Variants in NEXMIF observed in about 807,000 individuals in gnomAD.
The protein encoded by NEXMIF is neurite extension and migration factor.
A neutral mutation model predicts 62.1 loss-of-function variants in NEXMIF; 8 were observed. The observed-to-expected ratio is 0.13, with a 90% confidence interval of 0.08 to 0.23. NEXMIF has a LOEUF of 0.23. Among genes scored for constraint, NEXMIF ranks in the 10% least tolerant of loss-of-function variants. NEXMIF has a pLI of 1.00. For missense variants in NEXMIF, 976 were observed against 1,113.3 expected, an observed-to-expected ratio of 0.88 and a Z score of 1.75; for synonymous variants, 404 against 416.6, an observed-to-expected ratio of 0.97 and a Z score of 0.37.
chrX:74,851,780 G>T (rs749700852), intron 1 of NEXMIF, among the ~76,000 whole-genome samples: 2 of 111,391 alleles, frequency 1.8e-5, no homozygotes, highest in East Asian at 5.7e-4. Context: ...ATCACAAAAA[G>T]ACACAAAAGT....
At chrX:74,850,236 C>T (rs902417324) in intron 1 of NEXMIF, among the ~76,000 whole-genome samples, 1 of 112,308 alleles carries the variant, frequency 8.9e-6, no homozygotes, top group African/African-American at 3.2e-5. Flanking sequence ...GACTTGCAGA[C>T]CTGAGACTGG....
intron 1 of NEXMIF, among the ~76,000 whole-genome samples, chrX:74,772,865 C>T (rs1010381553): frequency 1.8e-5 from 2 of 111,350 alleles, no homozygotes; most frequent in African/African-American, 6.5e-5. Flanking sequence ...TTAAAAAGGC[C>T]CCTATTTCTT....
chrX:74,789,166 T>G (rs1267709735), intron 1 of NEXMIF, among the ~76,000 whole-genome samples: 1 of 84,066 alleles, frequency 1.2e-5, no homozygotes, highest in Non-Finnish European at 2.2e-5. Flanking sequence ...GATATTCCCC[T>G]TCCTGTGTCC....
At chrX:74,798,288 C>T (rs2080318655) in intron 1 of NEXMIF, among the ~76,000 whole-genome samples, 1 of 111,907 alleles carries the variant, frequency 8.9e-6, no homozygotes, top group Admixed American at 9.5e-5. Context: ...TAAAAGAGTG[C>T]CTAACTCAGA....
intron 1 of NEXMIF, among the ~76,000 whole-genome samples, chrX:74,919,493 A>AT (rs34667607): frequency 9.0e-6 from 1 of 111,684 alleles, no homozygotes; most frequent in Admixed American, 9.5e-5. Context: ...AAACTGGGAC[A>AT]TTTTTGAGGG....
At position 74,740,432 on chromosome X, in the gene NEXMIF, C is replaced by A. The variant is rs994473407; in HGVS notation, c.4125G>T (p.Gln1375His). ...CACTGTTGATCTTTTTCTTAGACTCCTGTGGTGTCCCAGCCAATATTTTGA... is the reference window on the plus strand; with the variant it reads ...CACTGTTGATCTTTTTCTTAGACTCATGTGGTGTCCCAGCCAATATTTTGA... ...KTLKILAGTP[Q>H]ESKKKINSGS... Residue 1375 changes from glutamine to histidine, a missense_variant, in exon 3 of 4, where the codon CAG (glutamine) becomes CAT (histidine). By Grantham distance (24) the Gln-to-His change is conservative. Transcript: ENST00000055682. 82 of 1,208,909 alleles carry A rather than the reference C, an allele frequency of 6.8e-5. No homozygotes were observed. The highest frequency in any genetic ancestry group is 9.1e-5 in the Non-Finnish European group (81 of 894,716).
intron 1 of NEXMIF, among the ~76,000 whole-genome samples, chrX:74,820,790 C>T (rs2080392571): frequency 8.9e-6 from 1 of 111,767 alleles, no homozygotes; most frequent in African/African-American, 3.3e-5. Flanking sequence ...CCAAATACCA[C>T]ATATTCTCAC....
intron 1 of NEXMIF, among the ~76,000 whole-genome samples, chrX:74,913,274 G>A (rs1379406869): frequency 8.9e-6 from 1 of 111,939 alleles, no homozygotes; most frequent in African/African-American, 3.2e-5. Flanking sequence ...AAAACTCAAT[G>A]TATGGTCTCT....
At chrX:74,750,959 G>A (rs1479600598) in intron 1 of NEXMIF, among the ~76,000 whole-genome samples, 2 of 111,655 alleles carry the variant, frequency 1.8e-5, no homozygotes, top group Non-Finnish European at 3.8e-5. Context: ...TGGGCGTGGT[G>A]GTTCACACCT....
intron 1 of NEXMIF, among the ~76,000 whole-genome samples, chrX:74,803,592 A>C (rs1311935557): frequency 9.1e-6 from 1 of 109,801 alleles, no homozygotes; most frequent in Non-Finnish European, 1.9e-5. Context: ...ATAAATAAAT[A>C]AATAAATAAT....
chrX:74,745,815 A>G (rs2080124476), intron 1 of NEXMIF, 118 bp from the exon 2 acceptor site: 4 of 427,955 alleles, frequency 9.3e-6, no homozygotes, highest in Non-Finnish European at 1.6e-5. Flanking sequence ...TTCCAGATTG[A>G]CTTCATCACT....
chrX:74,882,895 C>A (rs2080672114), intron 1 of NEXMIF, among the ~76,000 whole-genome samples: 1 of 111,788 alleles, frequency 8.9e-6, no homozygotes, highest in Non-Finnish European at 1.9e-5. Context: ...GAGGCGCCCC[C>A]TAGTAGGGGT....
Position 74,742,860 on chromosome X carries a change from G to T in NEXMIF, c.1697C>A (p.Thr566Lys), listed in dbSNP as rs2080111872. Residue 566 changes from threonine to lysine, a missense_variant, in exon 3 of 4, where the codon ACA (threonine) becomes AAA (lysine). Coordinates refer to ENST00000055682, the MANE Select transcript of NEXMIF (RefSeq NM_001008537.3). ...VKLGKVDASETTVNLSENQLN... is the reference protein window; with the variant it reads ...VKLGKVDASEKTVNLSENQLN... ...CTGATTCTCACTCAAATTCACTGTT[G>T]TCTCACTGGCATCCACCTTACCCAA... is the stretch of plus-strand genomic sequence containing the variant. The T allele has an allele frequency of 8.3e-7, 1 of 1,211,120 alleles. No homozygotes were observed. The highest frequency in any genetic ancestry group is 1.1e-6 in the Non-Finnish European group (1 of 895,242).
At chrX:74,920,756 T>G (rs1340042238) in intron 1 of NEXMIF, among the ~76,000 whole-genome samples, 1 of 111,935 alleles carries the variant, frequency 8.9e-6, no homozygotes, top group Non-Finnish European at 1.9e-5. Flanking sequence ...TTTTATGGTT[T>G]TAGGTCTAAC....
chrX:74,880,145 G>C (rs1437751674), intron 1 of NEXMIF, among the ~76,000 whole-genome samples: 1 of 111,980 alleles, frequency 8.9e-6, no homozygotes, highest in Admixed American at 9.5e-5. Flanking sequence ...TTTTATGTAA[G>C]TCACTCTATA....
chrX:74,900,463 A>C (rs769043433), intron 1 of NEXMIF, among the ~76,000 whole-genome samples: 329 of 94,570 alleles, frequency 3.5e-3, no homozygotes, highest in African/African-American at 0.013. Context: ...ACTCCGTCTC[A>C]AAAAAAAAAA....
chrX:74,879,036 A>G (rs1225331387), intron 1 of NEXMIF, among the ~76,000 whole-genome samples: 1 of 111,291 alleles, frequency 9.0e-6, no homozygotes, highest in Non-Finnish European at 1.9e-5. Context: ...TTATCTTTTT[A>G]TATATGTTTG....
At position 74,866,294 on chromosome X, in the gene NEXMIF, C is replaced by G. The variant is rs188618928; in HGVS notation, c.-48+58589G>C. On this transcript the variant is annotated intron_variant, in intron 1 of 3. Coordinates refer to ENST00000055682, the MANE Select transcript of NEXMIF (RefSeq NM_001008537.3). ...ACAGCCTGATTGGATTTTGGACTTC[C>G]ATAGAGCCTGCAGCCCCTTTGTTTT... is the stretch of plus-strand genomic sequence containing the variant. Among the ~76,000 whole-genome samples, 104 of 111,481 alleles carry G rather than the reference C, an allele frequency of 9.3e-4. 1 individual carries two copies. The highest frequency in any genetic ancestry group is 3.3e-3 in the African/African-American group (101 of 30,765).
At chrX:74,808,163 G>T (rs893080356) in intron 1 of NEXMIF, among the ~76,000 whole-genome samples, 4 of 111,250 alleles carry the variant, frequency 3.6e-5, no homozygotes, top group African/African-American at 1.3e-4. Flanking sequence ...CAGCACCTTG[G>T]GAGGCCAAGG....
Sources: allele counts gnomAD v4.1 joint callset (sites outside exome capture counted in the v4.1 genomes callset), GRCh38; gene constraint gnomAD v4.1.1; transcripts MANE v1.5; gene names NCBI Gene and HGNC (gene_info 2026-07-23, HGNC 2026-07-21).